The following USP32 variants were observed in gnomAD, a reference collection of about 807,000 sequenced individuals.
USP32 encodes ubiquitin carboxyl-terminal hydrolase 32.
A neutral mutation model predicts 204.8 loss-of-function variants in USP32; 59 were observed. The observed-to-expected ratio is 0.29, with a 90% CI of 0.23 to 0.36. The LOEUF (loss-of-function observed/expected upper bound fraction) is 0.36. Ranked by LOEUF, USP32 falls within the 10% of genes least tolerant of loss-of-function variation. The pLI is 1.00. For missense variants in USP32, 1,160 were observed against 1,946.4 expected (o/e 0.60, Z 7.60); for synonymous variants, 517 against 678.4 (o/e 0.76, Z 3.70).
intron 2 of USP32, among the ~76,000 whole-genome samples, chr17:60,328,201 C>CCT (rs2088292269): frequency 6.6e-6 from 1 of 152,218 alleles, no homozygotes; most frequent in Admixed American, 6.5e-5. Flanking sequence ...GTGCATACTT[C>CCT]CTCCCCTCTG....
At chr17:60,347,924 C>T (rs1189707982) in intron 1 of USP32, among the ~76,000 whole-genome samples, 1 of 151,548 alleles carries the variant, frequency 6.6e-6, no homozygotes, top group Non-Finnish European at 1.5e-5. Flanking sequence ...AGATCCAGAC[C>T]ATCCTGGCTA....
intron 10 of USP32, 105 bp downstream of exon 10, chr17:60,255,070 T>C (rs2086261129): frequency 1.5e-6 from 1 of 651,952 alleles, no homozygotes; most frequent in East Asian, 3.1e-5. Context: ...TTTTAATATA[T>C]GGTTTTGCAG....
At chr17:60,237,697 A>ATGTC (rs2085768961) in intron 11 of USP32, among the ~76,000 whole-genome samples, 1 of 152,190 alleles carries the variant, frequency 6.6e-6, no homozygotes, top group African/African-American at 2.4e-5. Context: ...ATGACCTTTT[A>ATGTC]TGTCTGGCTT....
intron 2 of USP32, among the ~76,000 whole-genome samples, chr17:60,336,958 A>T (rs947235676): frequency 1.3e-5 from 2 of 152,192 alleles, no homozygotes; most frequent in African/African-American, 4.8e-5. Flanking sequence ...AGTTAATATA[A>T]ACAAGTTAAT....
chr17:60,285,829 G>A (rs2087095971), intron 5 of USP32, among the ~76,000 whole-genome samples: 2 of 152,080 alleles, frequency 1.3e-5, no homozygotes, highest in African/African-American at 4.8e-5. Flanking sequence ...GCATTTTAGT[G>A]ATAGAAAGAA....
chr17:60,392,073 G>T lies in USP32; in HGVS notation c.-134C>A. ...CCCCCACCTCCCCCCACACTAACAAGTGCGGCTTCTGCCCCGGCGGCTCCT... is the reference window on the plus strand; with the variant it reads ...CCCCCACCTCCCCCCACACTAACAATTGCGGCTTCTGCCCCGGCGGCTCCT... On this transcript the variant is annotated 5_prime_UTR_variant, in exon 1 of 34. Transcript: ENST00000300896. 1.0e-6 allele frequency: 1 copy of T among 974,632 alleles called. No homozygotes were observed. Among genetic ancestry groups the T allele is most frequent in the Non-Finnish European group, 1.4e-6 (1 of 704,594 alleles). 60.4% of individuals were successfully genotyped at this position (974,632 alleles called of 1,614,324 possible).
In USP32 at chr17:60,188,994, T is replaced by C. The variant is rs184084721; in HGVS notation, c.3642+1569A>G. On this transcript the variant is annotated intron_variant, in intron 29 of 33. Transcript: ENST00000300896. ...CGTAGGCCGTTTCCTATAAGCAGGATGTCCTAAAGAGCTTTTCCGATTGCA... is the reference window on the plus strand; with the variant it reads ...CGTAGGCCGTTTCCTATAAGCAGGACGTCCTAAAGAGCTTTTCCGATTGCA... 3.5e-3 allele frequency among the ~76,000 whole-genome samples: 526 copies of C among 152,336 alleles called. 7 individuals carry two copies. The highest frequency in any genetic ancestry group is 2.8e-3 in the Non-Finnish European group (192 of 68,028).
chr17:60,190,154 T>G (rs2084341604), intron 29 of USP32, among the ~76,000 whole-genome samples: 1 of 152,174 alleles, frequency 6.6e-6, no homozygotes, highest in Non-Finnish European at 1.5e-5. Context: ...AGGATCTTCC[T>G]CCTGTTTGGT....
intron 29 of USP32, among the ~76,000 whole-genome samples, chr17:60,188,000 A>T (rs1470067521): frequency 1.3e-5 from 2 of 151,552 alleles, no homozygotes; most frequent in African/African-American, 4.8e-5. Context: ...TGTTTTTTTG[A>T]GACAGGTTCT....
At chr17:60,418,429 T>C (rs1409458526) in intron 1 of USP32, among the ~76,000 whole-genome samples, 1 of 151,156 alleles carries the variant, frequency 6.6e-6, no homozygotes, top group Non-Finnish European at 1.5e-5. Context: ...TATTAACTTT[T>C]CCTTTTTTGT....
intron 21 of USP32, among the ~76,000 whole-genome samples, chr17:60,210,760 T>C (rs2084941414): frequency 6.6e-6 from 1 of 152,280 alleles, no homozygotes; most frequent in Admixed American, 6.5e-5. Context: ...ATATAAGATG[T>C]TTGACAAATT....
chr17:60,391,548 G>C (rs1310506732), intron 1 of USP32, among the ~76,000 whole-genome samples: 5 of 152,148 alleles, frequency 3.3e-5, no homozygotes, highest in Non-Finnish European at 7.4e-5. Flanking sequence ...TGAAGGATGA[G>C]GGGGGCTGGA....
intron 13 of USP32, among the ~76,000 whole-genome samples, chr17:60,225,256 C>T (rs959465355): frequency 6.6e-6 from 1 of 151,862 alleles, no homozygotes; most frequent in Non-Finnish European, 1.5e-5. Flanking sequence ...AGTTTGAGAC[C>T]AGCCTGGGCA....
Position 60,208,838 on chromosome 17 carries a change from A to C in USP32, c.2599-10T>G. On this transcript the variant is annotated splice_polypyrimidine_tract_variant and intron_variant, in intron 22 of 33. Transcript: ENST00000300896. ...GATGGTTGTCCCAGGCCTAGCAATA[A>C]AAAAGATGAGAATTTTCTCTCAAAA... 1 of 1,545,686 alleles carries C rather than the reference A, an allele frequency of 6.5e-7. No homozygotes were observed. Among genetic ancestry groups the C allele is most frequent in the Non-Finnish European group, 8.7e-7 (1 of 1,147,832 alleles).
chr17:60,265,512 G>T, intron 8 of USP32, 38 bp from the exon 9 acceptor site: 2 of 1,331,340 alleles, frequency 1.5e-6, no homozygotes, highest in African/African-American at 1.5e-5. Flanking sequence ...AGAAAACAGT[G>T]AATATACTTT....
At chr17:60,356,912 A>AG (rs2089092527) in intron 1 of USP32, among the ~76,000 whole-genome samples, 3 of 152,040 alleles carry the variant, frequency 2.0e-5, no homozygotes, top group African/African-American at 7.3e-5. Context: ...AACATGCCTA[A>AG]TGACTTCAAG....
At chr17:60,230,055 C>T (rs1010006217) in intron 12 of USP32, among the ~76,000 whole-genome samples, 4 of 152,176 alleles carry the variant, frequency 2.6e-5, no homozygotes, top group South Asian at 4.1e-4. Context: ...CTCAGGTGAT[C>T]CACCTGCCTT....
intron 2 of USP32, among the ~76,000 whole-genome samples, chr17:60,341,908 A>T (rs1316434665): frequency 2.6e-5 from 4 of 152,022 alleles, no homozygotes; most frequent in Non-Finnish European, 5.9e-5. Flanking sequence ...ACTTCTGTCA[A>T]CTCGTCAAGT....
chr17:60,392,327 C>G (rs1280644907), upstream of USP32: 10 of 317,024 alleles, frequency 3.2e-5, no homozygotes, highest in Non-Finnish European at 4.8e-5. Context: ...CTCCGCCCCT[C>G]CCCAAGCTAA....
Sources: allele counts gnomAD v4.1 joint callset (sites outside exome capture counted in the v4.1 genomes callset), GRCh38; gene constraint gnomAD v4.1.1; transcripts MANE v1.5; gene names NCBI Gene and HGNC (gene_info 2026-07-23, HGNC 2026-07-21).